Variants in RICTOR observed in about 807,000 individuals in gnomAD.
RICTOR encodes the protein RPTOR independent companion of MTOR complex 2.
A neutral mutation model predicts 214.9 loss-of-function variants in RICTOR; 49 were observed. The observed-to-expected ratio is 0.23, with a 90% confidence interval of 0.18 to 0.29. The LOEUF is 0.29. Ranked by LOEUF, RICTOR falls within the 10% of genes least tolerant of loss-of-function variation. The pLI is 1.00. For missense variants in RICTOR, 1,625 were observed against 2,047.0 expected (o/e 0.79, Z 3.98); for synonymous variants, 717 against 711.3 (o/e 1.01, Z -0.13).
intron 2 of RICTOR, among the ~76,000 whole-genome samples, chr5:39,046,200 A>G (rs115256138): frequency 0.012 from 1,719 of 146,648 alleles, 27 homozygotes; most frequent in African/African-American, 0.041. Context: ...AAATTAGGGG[A>G]AAAAAAAAAC....
At chr5:38,945,369 G>A in intron 34 of RICTOR, 122 bp downstream of exon 34, 1 of 675,142 alleles carries the variant, frequency 1.5e-6, no homozygotes, top group Non-Finnish European at 2.6e-6. Flanking sequence ...TGGCATATCA[G>A]TGTGCTGCAG....
intron 2 of RICTOR, among the ~76,000 whole-genome samples, chr5:39,068,464 C>T (rs1461312476): frequency 6.6e-6 from 1 of 152,064 alleles, no homozygotes; most frequent in Admixed American, 6.5e-5. Flanking sequence ...CAGAAGAAAA[C>T]CATATGGGAG....
chr5:39,017,360 T>C (rs1427495764), intron 3 of RICTOR, among the ~76,000 whole-genome samples: 2 of 152,110 alleles, frequency 1.3e-5, no homozygotes, highest in East Asian at 1.9e-4. Context: ...ACAATGAAAC[T>C]AGAAGATGCA....
chr5:39,046,314 T>C (rs1361376452), intron 2 of RICTOR, among the ~76,000 whole-genome samples: 7 of 150,612 alleles, frequency 4.6e-5, no homozygotes, highest in East Asian at 1.9e-4. Flanking sequence ...CAGTGAACTA[T>C]GATGGTGCCA....
rs1437725093 is a variant in RICTOR at position 38,942,160 on chromosome 5, T to C, written c.*144A>G. On this transcript the variant is annotated 3_prime_UTR_variant, in exon 38 of 38. Coordinates refer to ENST00000357387, the MANE Select transcript of RICTOR (RefSeq NM_152756.5). ...GGTTAGGAAAGTCAGCAGTTCCAAC[T>C]GTTCATGTACCAGTAACTGCGGAAC... 2 of 451,752 alleles carry C rather than the reference T, an allele frequency of 4.4e-6. No individual in the cohort carries two copies. Among genetic ancestry groups the C allele is most frequent in the Non-Finnish European group, 8.1e-6 (2 of 247,902 alleles). The allele number at this position is 451,752 out of a possible 1,614,324, so 28.0% of individuals were successfully genotyped here.
At chr5:38,994,531 C>G (rs1291856719) in intron 6 of RICTOR, among the ~76,000 whole-genome samples, 1 of 148,104 alleles carries the variant, frequency 6.8e-6, no homozygotes, top group Non-Finnish European at 1.5e-5. Flanking sequence ...AGCAAATGTG[C>G]TCTCACTCTA....
intron 6 of RICTOR, among the ~76,000 whole-genome samples, chr5:38,991,955 A>G (rs1752809299): frequency 6.6e-6 from 1 of 152,150 alleles, no homozygotes; most frequent in Non-Finnish European, 1.5e-5. Context: ...AGATATTACT[A>G]GATTTATTGT....
chr5:38,951,614 TAC>T (rs1315394815), intron 30 of RICTOR, among the ~76,000 whole-genome samples: 2 of 151,986 alleles, frequency 1.3e-5, no homozygotes, highest in Admixed American at 6.6e-5. Context: ...TTTGGTGAAA[TAC>T]ACAGTCTGAT....
At chr5:39,010,492 G>A (rs1754422436) in intron 3 of RICTOR, among the ~76,000 whole-genome samples, 1 of 152,180 alleles carries the variant, frequency 6.6e-6, no homozygotes, top group African/African-American at 2.4e-5. Context: ...ACAGGCAGAG[G>A]CTGGAACAGT....
chr5:39,063,889 A>AT lies in RICTOR; in HGVS notation c.97+10221dup, dbSNP rs1758721916. ...ACGCAGATTCTTGAAAATCCAGGTA[A>AT]TTAAGGTTAAAAAAACGTTTTCTGT... On this transcript the variant is annotated intron_variant, in intron 2 of 37. Coordinates refer to ENST00000357387, the MANE Select transcript of RICTOR (RefSeq NM_152756.5). Among the ~76,000 whole-genome samples, 3 of 151,660 alleles carry AT rather than the reference A, an allele frequency of 2.0e-5. No homozygotes were observed. The South Asian group carries it at 6.2e-4, about 31-fold the overall frequency.
chr5:39,010,617 G>C (rs765764544), intron 3 of RICTOR, among the ~76,000 whole-genome samples: 5 of 152,222 alleles, frequency 3.3e-5, no homozygotes, highest in Non-Finnish European at 5.9e-5. Context: ...TCCAGGCTAA[G>C]ATGGTCTGAG....
At chr5:39,059,819 T>G (rs941651119) in intron 2 of RICTOR, among the ~76,000 whole-genome samples, 12 of 152,106 alleles carry the variant, frequency 7.9e-5, no homozygotes, top group Non-Finnish European at 1.2e-4. Flanking sequence ...TAATATCTAT[T>G]TCTTTACATC....
chr5:39,015,262 C>T (rs1269544879), intron 3 of RICTOR, among the ~76,000 whole-genome samples: 1 of 151,810 alleles, frequency 6.6e-6, no homozygotes, highest in Admixed American at 6.6e-5. Flanking sequence ...CTGAGAATTC[C>T]TAAATTTTAC....
At chr5:39,013,013 G>A (rs1174648059) in intron 3 of RICTOR, among the ~76,000 whole-genome samples, 2 of 152,126 alleles carry the variant, frequency 1.3e-5, no homozygotes, top group Non-Finnish European at 2.9e-5. Flanking sequence ...AAGACAACCT[G>A]AAAGAAAACA....
intron 2 of RICTOR, among the ~76,000 whole-genome samples, chr5:39,028,613 A>G (rs1756037358): frequency 6.6e-6 from 1 of 152,204 alleles, no homozygotes; most frequent in Admixed American, 6.5e-5. Context: ...CCACAAATAT[A>G]CTTGTACAAG....
intron 3 of RICTOR, among the ~76,000 whole-genome samples, chr5:39,014,118 A>AT (rs1341106529): frequency 1.3e-5 from 2 of 152,152 alleles, no homozygotes; most frequent in African/African-American, 4.8e-5. Flanking sequence ...CTGGATATGT[A>AT]GTACACTACA....
chr5:39,020,953 T>G, intron 3 of RICTOR, 86 bp downstream of exon 3: 1 of 762,912 alleles, frequency 1.3e-6, no homozygotes, highest in South Asian at 1.5e-5. Flanking sequence ...CACAAGAATT[T>G]GTATTTAATG....
chr5:39,018,391 T>A (rs1298262859), intron 3 of RICTOR, among the ~76,000 whole-genome samples: 1 of 152,146 alleles, frequency 6.6e-6, no homozygotes, highest in South Asian at 2.1e-4. Context: ...CTTACAAGCA[T>A]ACTTCATTTT....
At chr5:39,070,796 T>A (rs544129698) in intron 2 of RICTOR, among the ~76,000 whole-genome samples, 35 of 152,310 alleles carry the variant, frequency 2.3e-4, no homozygotes, top group Admixed American at 5.2e-4. Context: ...ACTGGACTGA[T>A]AAGACAGTCT....
Sources: gnomAD v4.1 joint callset for allele counts (sites outside exome capture counted in the v4.1 genomes callset) on GRCh38, gnomAD v4.1.1 for gene constraint, MANE v1.5 for transcripts, NCBI Gene and HGNC (gene_info 2026-07-23, HGNC 2026-07-21) for gene names.